Variants in BICD1 observed in about 807,000 individuals in gnomAD.
BICD1 encodes protein bicaudal D homolog 1.
BICD1 carries 35 observed loss-of-function variants against 92.5 expected under a neutral mutation model. The observed-to-expected ratio is 0.38, with a 90% CI of 0.29 to 0.50. BICD1 has a LOEUF of 0.50. Among genes scored for constraint, BICD1 ranks in the 20% least tolerant of loss-of-function variants. The pLI, the probability that BICD1 is intolerant of heterozygous loss-of-function variation, is 0.93. For synonymous variants in BICD1, 429 were observed against 465.1 expected, an observed-to-expected ratio of 0.92 and a Z score of 1.00; for missense variants, 950 against 1,189.8, an observed-to-expected ratio of 0.80 and a Z score of 2.97.
At chr12:32,368,886 C>T (rs1939625400) in intron 9 of BICD1, among the ~76,000 whole-genome samples, 1 of 151,938 alleles carries the variant, frequency 6.6e-6, no homozygotes, top group Non-Finnish European at 1.5e-5. Flanking sequence ...TGCACTCCAG[C>T]CTGGGTAACA....
intron 2 of BICD1, among the ~76,000 whole-genome samples, chr12:32,261,879 A>G (rs534981442): frequency 6.6e-6 from 1 of 152,346 alleles, no homozygotes; most frequent in South Asian, 2.1e-4. Flanking sequence ...GAGGAAGGAA[A>G]TGGCGAATGC....
intron 1 of BICD1, among the ~76,000 whole-genome samples, chr12:32,128,200 G>A (rs376147167): frequency 2.6e-5 from 4 of 152,236 alleles, no homozygotes; most frequent in South Asian, 2.1e-4. Flanking sequence ...CACCGCACCC[G>A]GCCTGAGCTA....
rs1271423986 is a variant in BICD1 at position 32,382,683 on chromosome 12, T to G, written c.*5056T>G. On this transcript the variant is annotated 3_prime_UTR_variant, in exon 10 of 10. Coordinates refer to ENST00000652176, the MANE Select transcript of BICD1 (RefSeq NM_001714.4). ...TTGTTGAGAACACATTTTTTACTTT[T>G]TTTCTTTCAGAATTATTCCTCAATC... 6.6e-6 allele frequency: 1 copy of G among 152,082 alleles called. No individual in the cohort carries two copies. Among genetic ancestry groups the G allele is most frequent in the African/African-American group, 2.4e-5 (1 of 41,456 alleles). 9.4% of individuals were successfully genotyped at this position (152,082 alleles called of 1,614,324 possible).
Position 32,337,756 on chromosome 12 carries a change from T to C in BICD1, c.2510T>C (p.Leu837Pro), listed in dbSNP as rs1011645391. 6.2e-7 allele frequency: 1 copy of C among 1,614,118 alleles called. No homozygotes were observed. The highest frequency in any genetic ancestry group is 2.2e-5 in the East Asian group (1 of 44,880). ...GTGCCCACCATAGACACTTACCTCC[T>C]GCATAGTCAGGGCCCACAGACACCC... ...VTVPTIDTYL[L>P]HSQGPQTPNI... The change falls in exon 7 of 10, where the codon CTG (leucine) becomes CCG (proline). Residue 837 changes from leucine to proline, a missense_variant. By Grantham distance (98) the Leu-to-Pro change is moderately conservative. Around this residue, in one of 5 missense-constraint regions of BICD1, gnomAD observed 179 missense variants for 186.7 expected, o/e 0.96. Coordinates refer to ENST00000652176, the MANE Select transcript of BICD1 (RefSeq NM_001714.4). This position sits in a 1 kb window ranked among gnomAD's most constrained non-coding sequence, Gnocchi z 4.7.
chr12:32,337,660 G>A lies in BICD1; in HGVS notation c.2414G>A (p.Arg805Gln), dbSNP rs367674204. Reference sequence around the variant, plus strand: ...TTAGAGTTTGACCATGAGCAGTCCCGACGCAGCAAAGGCAAACTTGGAAAG... The same window carrying A: ...TTAGAGTTTGACCATGAGCAGTCCCAACGCAGCAAAGGCAAACTTGGAAAG... ...EDLEFDHEQS[R>Q]RSKGKLGKSK... Residue 805 changes from arginine (R) to glutamine (Q), a missense_variant, in exon 7 of 10, where the codon CGA becomes CAA. Arg to Gln is a conservative substitution (Grantham distance 43, BLOSUM62 1). Coordinates refer to ENST00000652176, the MANE Select transcript of BICD1 (RefSeq NM_001714.4). The surrounding 1 kb of genome is among the most constrained non-coding windows in gnomAD (Gnocchi z 4.7). 7 of 1,614,032 alleles carry A rather than the reference G, an allele frequency of 4.3e-6. No individual in the cohort carries two copies. The highest frequency in any genetic ancestry group is 2.7e-5 in the African/African-American group (2 of 74,912).
intron 1 of BICD1, chr12:32,108,554 C>A: frequency 1.6e-6 from 1 of 613,346 alleles, no homozygotes; most frequent in Admixed American, 2.5e-5. Context: ...TGTGTCAAGT[C>A]CTTATTTTTA....
chr12:32,175,648 T>C (rs1944069717), intron 1 of BICD1, among the ~76,000 whole-genome samples: 1 of 152,244 alleles, frequency 6.6e-6, no homozygotes, highest in African/African-American at 2.4e-5. Context: ...CTTAGATTAC[T>C]GTTCCAAATA....
intron 1 of BICD1, among the ~76,000 whole-genome samples, chr12:32,205,603 A>G (rs1002250035): frequency 2.0e-5 from 3 of 151,032 alleles, no homozygotes; most frequent in Non-Finnish European, 4.4e-5. Flanking sequence ...ATAATGGAAA[A>G]ATTGAGGCTT....
At chr12:32,206,874 A>C (rs1400768120) in intron 1 of BICD1, among the ~76,000 whole-genome samples, 1 of 152,214 alleles carries the variant, frequency 6.6e-6, no homozygotes, top group Non-Finnish European at 1.5e-5. Context: ...AATCAGAATG[A>C]ATAAACGGAA....
At chr12:32,161,393 T>G (rs890133056) in intron 1 of BICD1, among the ~76,000 whole-genome samples, 5 of 152,282 alleles carry the variant, frequency 3.3e-5, no homozygotes, top group African/African-American at 1.2e-4. Flanking sequence ...TTGTATTTTT[T>G]TCTTCATCTT....
intron 1 of BICD1, among the ~76,000 whole-genome samples, chr12:32,110,990 TAA>T (rs201282585): frequency 3.3e-5 from 5 of 150,604 alleles, no homozygotes; most frequent in African/African-American, 1.2e-4. Context: ...AGTATAATAA[TAA>T]AAAAAAAGAG....
chr12:32,360,549 G>T (rs1187369780), intron 8 of BICD1, among the ~76,000 whole-genome samples: 1 of 152,094 alleles, frequency 6.6e-6, no homozygotes, highest in African/African-American at 2.4e-5. Context: ...GACTTGAACT[G>T]GACTACCCAC....
intron 1 of BICD1, among the ~76,000 whole-genome samples, chr12:32,125,990 A>G (rs969762548): frequency 6.7e-6 from 1 of 148,214 alleles, no homozygotes; most frequent in Non-Finnish European, 1.5e-5. Context: ...TGGAGTTTGC[A>G]GTTAGCTGAG....
At chr12:32,249,387 A>G (rs902906992) in intron 2 of BICD1, among the ~76,000 whole-genome samples, 22 of 152,316 alleles carry the variant, frequency 1.4e-4, no homozygotes, top group African/African-American at 5.1e-4. Context: ...TACTGTCATT[A>G]ATAATGGATA....
chr12:32,139,739 T>C (rs1374796032), intron 1 of BICD1, among the ~76,000 whole-genome samples: 1 of 152,150 alleles, frequency 6.6e-6, no homozygotes, highest in Non-Finnish European at 1.5e-5. Context: ...GATTTTTGTA[T>C]TTTTAGTAAA....
intron 2 of BICD1, among the ~76,000 whole-genome samples, chr12:32,224,401 A>G (rs1945623482): frequency 6.6e-6 from 1 of 152,254 alleles, no homozygotes; most frequent in South Asian, 2.1e-4. Flanking sequence ...TACTACGTTC[A>G]TTATTGCATT....
At chr12:32,260,407 G>T (rs986551391) in intron 2 of BICD1, among the ~76,000 whole-genome samples, 1 of 152,158 alleles carries the variant, frequency 6.6e-6, no homozygotes, top group African/African-American at 2.4e-5. Context: ...GACTGTATCT[G>T]CCTGTCTTCT....
At chr12:32,370,510 C>CA (rs1458688905) in intron 9 of BICD1, among the ~76,000 whole-genome samples, 1 of 152,154 alleles carries the variant, frequency 6.6e-6, no homozygotes, top group African/African-American at 2.4e-5. Flanking sequence ...CAAGCACCCC[C>CA]AGCCCTTACC....
At chr12:32,187,871 A>C (rs1944462803) in intron 1 of BICD1, among the ~76,000 whole-genome samples, 1 of 152,106 alleles carries the variant, frequency 6.6e-6, no homozygotes, top group South Asian at 2.1e-4. Flanking sequence ...CCTGAATCTA[A>C]ATTTTGTTGT....
Sources: gnomAD v4.1 joint callset for allele counts (sites outside exome capture counted in the v4.1 genomes callset) on GRCh38, gnomAD v4.1.1 for gene constraint, gnomAD v4.1.1 regional missense constraint, Gnocchi (gnomAD v3.1) non-coding constraint, MANE v1.5 for transcripts, NCBI Gene and HGNC (gene_info 2026-07-23, HGNC 2026-07-21) for gene names.